MYH13: variants seen among roughly 807,000 people sequenced by gnomAD.
MYH13 encodes myosin heavy chain 13.
A neutral mutation model predicts 232.1 loss-of-function variants in MYH13; 177 were observed. The observed-to-expected ratio is 0.76, with a 90% CI of 0.67 to 0.86. MYH13 has a LOEUF of 0.86. MYH13 is among the 40% of genes least tolerant of loss of function. The pLI, the probability that MYH13 is intolerant of heterozygous loss-of-function variation, is 0.00. For missense variants in MYH13, 2,246 were observed against 2,405.9 expected (o/e 0.93, Z 1.39); for synonymous variants, 884 against 923.5 (o/e 0.96, Z 0.78).
rs1436234378 is a variant in MYH13, at chr17:10,360,982, C to T, written c.506-794G>A. Among the ~76,000 whole-genome samples the T allele has an allele frequency of 7.2e-5, 11 of 152,284 alleles. No individual in the cohort carries two copies. In the East Asian group the frequency reaches 2.1e-3, roughly 29 times the overall value. ...AGACATGGGCCAGATTCTCTCTCAG[C>T]GTCCTCAGACTAACCAATCCTGATG... On this transcript the variant is annotated intron_variant, in intron 5 of 40. Transcript: ENST00000252172.
chr17:10,311,894 T>G lies in MYH13; in HGVS notation c.4531+17A>C, dbSNP rs1344173305. On this transcript the variant is annotated intron_variant, in intron 32 of 40. Transcript: ENST00000252172. ...GAGAGGGGGACATAGCACACACCAGTGGTGGAGACAGCTCACCTTGCAGAT... is the reference window on the plus strand; with the variant it reads ...GAGAGGGGGACATAGCACACACCAGGGGTGGAGACAGCTCACCTTGCAGAT... 6.2e-7 allele frequency: 1 copy of G among 1,613,750 alleles called. No individual in the cohort carries two copies. The highest frequency in any genetic ancestry group is 8.5e-7 in the Non-Finnish European group (1 of 1,179,836).
intron 8 of MYH13, 35 bp from the exon 9 acceptor site, chr17:10,355,182 T>A: frequency 6.4e-7 from 1 of 1,552,028 alleles, no homozygotes; most frequent in Non-Finnish European, 8.7e-7. Context: ...GTTACGGTTA[T>A]TTGATTTATA....
At chr17:10,344,842 AG>A (rs371686818) in intron 15 of MYH13, among the ~76,000 whole-genome samples, 9,124 of 115,806 alleles carry the variant, frequency 0.079, 688 homozygotes, top group East Asian at 0.45. Flanking sequence ...AAAAAAAAAA[AG>A]TTAATATCTA....
chr17:10,365,758 CT>C (rs1355403219), intron 2 of MYH13, among the ~76,000 whole-genome samples: 1 of 152,054 alleles, frequency 6.6e-6, no homozygotes, highest in African/African-American at 2.4e-5. Flanking sequence ...TAAACGCGGT[CT>C]CTAAACTTTG....
intron 12 of MYH13, 68 bp from the exon 13 acceptor site, chr17:10,346,866 G>A: frequency 8.7e-7 from 1 of 1,147,244 alleles, no homozygotes; most frequent in Non-Finnish European, 1.3e-6. Context: ...TCAGCCCCTG[G>A]CTTCTCCCAG....
chr17:10,324,134 A>G lies in MYH13; in HGVS notation c.2822T>C (p.Val941Ala). 6.2e-7 allele frequency: 1 copy of G among 1,613,880 alleles called. No homozygotes were observed. The highest frequency in any genetic ancestry group is 8.5e-7 in the Non-Finnish European group (1 of 1,179,870). Residue 941 changes from valine (V) to alanine (A), a missense_variant, in exon 23 of 41, where the codon GTT becomes GCT. Transcript: ENST00000252172. ...ATCTTCCAGATTCCTCTTCTTGGCAACCAATTCAGAATTCATCTCCTCTTC... is the reference window on the plus strand; with the variant it reads ...ATCTTCCAGATTCCTCTTCTTGGCAGCCAATTCAGAATTCATCTCCTCTTC... ...EEEEEMNSELVAKKRNLEDKC... is the reference protein window; with the variant it reads ...EEEEEMNSELAAKKRNLEDKC...
chr17:10,350,504 C>T (rs1567669837), intron 12 of MYH13, 52 bp downstream of exon 12: 15 of 1,580,138 alleles, frequency 9.5e-6, no homozygotes, highest in African/African-American at 1.4e-5. Context: ...CGGCCTCGCC[C>T]GCACATGAAC....
At chr17:10,308,546 G>A (rs1483330416) in intron 35 of MYH13, among the ~76,000 whole-genome samples, 8 of 146,680 alleles carry the variant, frequency 5.5e-5, no homozygotes, top group Non-Finnish European at 8.9e-5. Context: ...TGGGATTAGA[G>A]GCAAAAATAT....
At chr17:10,338,903 A>G (rs1025863924) in intron 18 of MYH13, among the ~76,000 whole-genome samples, 3 of 152,046 alleles carry the variant, frequency 2.0e-5, no homozygotes, top group Non-Finnish European at 2.9e-5. Context: ...GGGTTTCACC[A>G]TGTTAGCCAG....
intron 35 of MYH13, among the ~76,000 whole-genome samples, chr17:10,307,903 T>C (rs1403951454): frequency 6.6e-6 from 1 of 152,170 alleles, no homozygotes; most frequent in Admixed American, 6.5e-5. Flanking sequence ...AAAATAGTCT[T>C]TCTAAAAGTA....
At position 10,318,898 on chromosome 17, in the gene MYH13, C is replaced by G. The variant is rs202062172; in HGVS notation, c.3630G>C (p.Gln1210His). ...GCTTCACCCGCTGCAGGTTGTCAAT[C>G]TGCTCCCCAAGCTCGGCCACACTAT... ...QADSVAELGE[Q>H]IDNLQRVKQK... Residue 1210 changes from glutamine to histidine, a missense_variant, in exon 27 of 41, where the codon CAG becomes CAC. Coordinates refer to ENST00000252172, the MANE Select transcript of MYH13 (RefSeq NM_003802.3). 268 of 1,614,072 alleles carry G rather than the reference C, an allele frequency of 1.7e-4. No individual in the cohort carries two copies. The highest frequency in any genetic ancestry group is 2.0e-4 in the Non-Finnish European group (231 of 1,180,044).
rs1215486489 is a variant in MYH13 at position 10,319,033 on chromosome 17, A to G, written c.3495T>C (p.Ile1165=). The change falls in exon 27 of 41, where the codon ATT becomes ATC. Residue 1165 remains isoleucine (I), a synonymous_variant. Transcript: ENST00000252172. ...EEASGATSAQ[I]EMNKKREAEF... ...CAGCCTCCCTCTTCTTGTTCATCTC[A>G]ATCTGGGCTGAAGTGGCCCCACTGG... The G allele has an allele frequency of 1.2e-6, 2 of 1,613,898 alleles. No individual in the cohort carries two copies. The highest frequency in any genetic ancestry group is 1.7e-6 in the Non-Finnish European group (2 of 1,180,010).
rs552136148 is a variant in MYH13 at position 10,327,764 on chromosome 17, C to CCACTGTCT, written c.2691+94_2691+101dup. ...TACTCCACATGACCACTGGGTGGCA[C>CCACTGTCT]CACTGTCTCTCGAATAGACACCTGA... On this transcript the variant is annotated intron_variant, in intron 22 of 40. Coordinates refer to ENST00000252172, the MANE Select transcript of MYH13 (RefSeq NM_003802.3). 3,583 of 1,446,544 alleles carry CCACTGTCT rather than the reference C, an allele frequency of 2.5e-3. 12 individuals carry two copies. The highest frequency in any genetic ancestry group is 2.3e-3 in the Non-Finnish European group (2,497 of 1,064,306). 89.6% of individuals were successfully genotyped at this position (1,446,544 alleles called of 1,614,324 possible).
In MYH13 at chr17:10,316,143, A is replaced by G. The variant is rs75040708; in HGVS notation, c.3739-118T>C. 1,890 of 1,329,286 alleles carry G rather than the reference A, an allele frequency of 1.4e-3. 31 individuals carry two copies. The East Asian group carries it at 0.034, about 24-fold the overall frequency. 82.3% of individuals were successfully genotyped at this position (1,329,286 alleles called of 1,614,324 possible). A position where few individuals can be genotyped will look rare whatever the true frequency, so the allele number is the denominator to read the frequency against. ...AGGTAAAATAAAAATAAAAGTACAG[A>G]ACAAAAAAAAGTTCAGTTTCAAAAA... On this transcript the variant is annotated intron_variant, in intron 27 of 40. Transcript: ENST00000252172.
At chr17:10,319,298 C>G in intron 26 of MYH13, 119 bp from the exon 27 acceptor site, 2 of 1,261,658 alleles carry the variant, frequency 1.6e-6, no homozygotes, top group Non-Finnish European at 2.1e-6. Flanking sequence ...CATTTGAGGT[C>G]AGGAGTTTGA....
intron 21 of MYH13, among the ~76,000 whole-genome samples, chr17:10,328,330 G>C (rs1266663759): frequency 6.6e-6 from 1 of 152,160 alleles, no homozygotes; most frequent in East Asian, 1.9e-4. Context: ...GAAGGTAGGA[G>C]AGGGCGTGGA....
In MYH13 at chr17:10,311,210, T is replaced by C. The variant is rs376842597; in HGVS notation, c.4549A>G (p.Thr1517Ala). The stretch of plus-strand genomic sequence containing the variant: ...TTGCCAGTTTCTGCAATCTGCTCAG[T>C]TAAGTCGGAAATCTCTTCTGCAAAG... ...KNLQEEISDL[T>A]EQIAETGKNL... The change falls in exon 33 of 41, where the codon ACT becomes GCT. Residue 1517 changes from threonine to alanine, a missense_variant. By Grantham distance (58) the Thr-to-Ala change is moderately conservative. Coordinates refer to ENST00000252172, the MANE Select transcript of MYH13 (RefSeq NM_003802.3). The C allele has an allele frequency of 4.8e-5, 78 of 1,614,056 alleles. No individual in the cohort carries two copies. Among genetic ancestry groups the C allele is most frequent in the South Asian group, 2.6e-4 (24 of 91,082 alleles).
At chr17:10,347,452 C>T (rs2142261917) in intron 12 of MYH13, among the ~76,000 whole-genome samples, 1 of 152,280 alleles carries the variant, frequency 6.6e-6, no homozygotes, top group East Asian at 1.9e-4. Flanking sequence ...ACCACTTGGA[C>T]AGTTGACAAT....
Position 10,332,040 on chromosome 17 carries a change from T to C in MYH13, c.2298+59A>G, listed in dbSNP as rs1347341056. 14 of 1,596,346 alleles carry C rather than the reference T, an allele frequency of 8.8e-6. No homozygotes were observed. The Admixed American group carries it at 1.2e-4, about 13-fold the overall frequency. ...GAAGGGGACCCTTTTTCTGATCAGC[T>C]AAGAAGCAGCCCAGGGCTGTGGGGT... is the stretch of plus-strand genomic sequence containing the variant. On this transcript the variant is annotated intron_variant, in intron 20 of 40. Transcript: ENST00000252172.
Sources: gnomAD v4.1 joint callset for allele counts (sites outside exome capture counted in the v4.1 genomes callset) on GRCh38, gnomAD v4.1.1 for gene constraint, MANE v1.5 for transcripts, NCBI Gene and HGNC (gene_info 2026-07-23, HGNC 2026-07-21) for gene names.